The following SGK1 variants were observed in gnomAD, a reference collection of about 807,000 sequenced individuals.
SGK1 encodes the protein serum/glucocorticoid regulated kinase 1.
A neutral mutation model predicts 64.2 loss-of-function variants in SGK1; 26 were observed. The observed-to-expected ratio is 0.40, with a 90% CI of 0.30 to 0.56. The LOEUF (loss-of-function observed/expected upper bound fraction) is 0.56, where lower values mean the gene tolerates loss of function less well. Among genes scored for constraint, SGK1 ranks in the 20% least tolerant of loss-of-function variants. The pLI is 0.38. For missense variants in SGK1, 519 were observed against 645.6 expected, an observed-to-expected ratio of 0.80 and a Z score of 2.12; for synonymous variants, 265 against 239.7, an observed-to-expected ratio of 1.11 and a Z score of -0.98.
chr6:134,313,036 G>C (rs1243728511), intron 1 of SGK1, among the ~76,000 whole-genome samples: 1 of 152,168 alleles, frequency 6.6e-6, no homozygotes, highest in Non-Finnish European at 1.5e-5. Context: ...CCCTCCCAAA[G>C]TTCTGGCATT....
At chr6:134,310,074 C>G (rs144754578) in intron 1 of SGK1, among the ~76,000 whole-genome samples, 2 of 151,038 alleles carry the variant, frequency 1.3e-5, no homozygotes, top group East Asian at 3.9e-4. Context: ...CTCCACCCCC[C>G]ACGTTCCTCA....
intron 13 of SGK1, 108 bp from the exon 14 acceptor site, chr6:134,170,543 C>T (rs746715251): frequency 2.7e-5 from 27 of 1,017,132 alleles, no homozygotes; most frequent in Non-Finnish European, 3.8e-5. Flanking sequence ...TATCAACTTC[C>T]ATAATCACCC....
chr6:134,208,746 GTA>G (rs1554220934), intron 2 of SGK1, among the ~76,000 whole-genome samples: 1 of 36,326 alleles, frequency 2.8e-5, no homozygotes, highest in African/African-American at 3.7e-5. Context: ...CCATGTATGC[GTA>G]TATATATATA....
chr6:134,302,818 G>A (rs1777477830), intron 1 of SGK1, among the ~76,000 whole-genome samples: 1 of 151,922 alleles, frequency 6.6e-6, no homozygotes, highest in Admixed American at 6.6e-5. Context: ...GTAGTGGGGT[G>A]ATCTTGGCTC....
intron 1 of SGK1, among the ~76,000 whole-genome samples, chr6:134,284,880 T>C (rs990351430): frequency 6.6e-6 from 1 of 152,220 alleles, no homozygotes; most frequent in Admixed American, 6.5e-5. Flanking sequence ...TTCTTTGTTA[T>C]GGCTGAGTAG....
Position 134,174,498 on chromosome 6 carries a change from C to T in SGK1, c.437+13G>A, listed in dbSNP as rs371844750. 4.4e-6 allele frequency: 7 copies of T among 1,600,284 alleles called. No homozygotes were observed. In the African/African-American group the frequency reaches 9.4e-5, roughly 21 times the overall value. Reference sequence around the variant, plus strand: ...ACTATACTAGTTATTTCCTCAAATCCGGTCAAACTTACTGTTTGCATGCAT... The same window carrying T: ...ACTATACTAGTTATTTCCTCAAATCTGGTCAAACTTACTGTTTGCATGCAT... On this transcript the variant is annotated intron_variant, in intron 4 of 13. Coordinates refer to ENST00000367858, the MANE Select transcript of SGK1 (RefSeq NM_001143676.3).
At position 134,173,109 on chromosome 6, in the gene SGK1, T is replaced by C. The variant is rs1360801177; in HGVS notation, c.748A>G (p.Lys250Glu). The change falls in exon 8 of 14, where the codon AAG (lysine) becomes GAG (glutamate). Residue 250 changes from lysine (K) to glutamate (E), a missense_variant. Physicochemically the swap from Lys to Glu is moderately conservative, Grantham distance 56. Around this residue, in one of 2 missense-constraint regions of SGK1, gnomAD observed 278 missense variants for 408.7 expected, o/e 0.68. Coordinates refer to ENST00000367858, the MANE Select transcript of SGK1 (RefSeq NM_001143676.3). ...TGAAGGCCCACCAGGAAAGGGTGCT[T>C]CACATTCTTCAACAGAACATTCCGC... The part of the protein sequence containing the change: ...SERNVLLKNV[K>E]HPFLVGLHFS... 1 of 1,613,978 alleles carries C rather than the reference T, an allele frequency of 6.2e-7. No homozygotes were observed. The highest frequency in any genetic ancestry group is 1.3e-5 in the African/African-American group (1 of 74,908).
chr6:134,193,997 ACACT>A lies in SGK1; in HGVS notation c.361+13355_361+13358del, dbSNP rs1775558742. Reference sequence around the variant, plus strand: ...TCCGTCCCATCCTCAAGGCACACTCACACTCACACCCACACTCATGCTCACTCAG... The same window carrying A: ...TCCGTCCCATCCTCAAGGCACACTCACACACCCACACTCATGCTCACTCAG... On this transcript the variant is annotated intron_variant, in intron 3 of 13. Coordinates refer to ENST00000367858, the MANE Select transcript of SGK1 (RefSeq NM_001143676.3). Among the ~76,000 whole-genome samples, 8 of 151,918 alleles carry A rather than the reference ACACT, an allele frequency of 5.3e-5. No homozygotes were observed. The South Asian group carries it at 1.7e-3, about 32-fold the overall frequency.
At chr6:134,307,575 G>C (rs552624589) in intron 1 of SGK1, among the ~76,000 whole-genome samples, 2 of 152,108 alleles carry the variant, frequency 1.3e-5, no homozygotes, top group Non-Finnish European at 2.9e-5. Flanking sequence ...CATTTAAAAT[G>C]ATCTCTAGAT....
chr6:134,286,125 A>C (rs1250244929), intron 1 of SGK1, among the ~76,000 whole-genome samples: 1 of 152,242 alleles, frequency 6.6e-6, no homozygotes, highest in Non-Finnish European at 1.5e-5. Context: ...TAATATTTTA[A>C]TCTATTTATA....
At chr6:134,201,436 A>AT (rs1199891773) in intron 3 of SGK1, among the ~76,000 whole-genome samples, 1 of 151,606 alleles carries the variant, frequency 6.6e-6, no homozygotes, top group African/African-American at 2.4e-5. Context: ...ATCTCGGCTC[A>AT]TTGCAACCTC....
chr6:134,284,256 C>A (rs1294218072), intron 1 of SGK1, among the ~76,000 whole-genome samples: 1 of 150,580 alleles, frequency 6.6e-6, no homozygotes, highest in Non-Finnish European at 1.5e-5. Flanking sequence ...CCACGCCTGG[C>A]AATTTTTGTA....
intron 1 of SGK1, among the ~76,000 whole-genome samples, chr6:134,304,997 G>C (rs947475845): frequency 3.3e-5 from 5 of 152,106 alleles, no homozygotes; most frequent in African/African-American, 9.7e-5. Context: ...ATTATTAAGA[G>C]CACTTTACTA....
At chr6:134,177,662 C>T in intron 3 of SGK1, 1 of 1,613,548 alleles carries the variant, frequency 6.2e-7, no homozygotes, top group African/African-American at 1.3e-5. Context: ...TAAGTACGAA[C>T]CTTTCAAAGG....
At chr6:134,182,818 TC>T (rs1368208230) in intron 3 of SGK1, among the ~76,000 whole-genome samples, 2 of 152,212 alleles carry the variant, frequency 1.3e-5, no homozygotes, top group Non-Finnish European at 2.9e-5. Flanking sequence ...CAGACAGTGC[TC>T]CTGAATGTGC....
chr6:134,244,389 G>T (rs553402253), intron 2 of SGK1, among the ~76,000 whole-genome samples: 1 of 152,280 alleles, frequency 6.6e-6, no homozygotes, highest in African/African-American at 2.4e-5. Flanking sequence ...ATTTGGGTTG[G>T]TTCCAAGTCT....
At chr6:134,265,232 G>A (rs892139371) in intron 1 of SGK1, among the ~76,000 whole-genome samples, 1 of 152,054 alleles carries the variant, frequency 6.6e-6, no homozygotes, top group African/African-American at 2.4e-5. Context: ...GGTCGAGGCA[G>A]GCAGATCACC....
intron 2 of SGK1, among the ~76,000 whole-genome samples, chr6:134,218,379 G>A (rs960202340): frequency 1.3e-4 from 19 of 151,812 alleles, no homozygotes; most frequent in African/African-American, 4.4e-4. Context: ...GGGCATAGGT[G>A]TGAACAGACA....
At chr6:134,245,209 T>G (rs746955893) in intron 2 of SGK1, among the ~76,000 whole-genome samples, 3 of 152,228 alleles carry the variant, frequency 2.0e-5, no homozygotes, top group Non-Finnish European at 4.4e-5. Flanking sequence ...TATCGTGGAC[T>G]AAAGGTGTGA....
Sources: allele counts gnomAD v4.1 joint callset (sites outside exome capture counted in the v4.1 genomes callset), GRCh38; gene constraint gnomAD v4.1.1; regional missense constraint gnomAD v4.1.1; transcripts MANE v1.5; gene names NCBI Gene and HGNC (gene_info 2026-07-23, HGNC 2026-07-21).